The following WWOX variants were observed in gnomAD, a reference collection of about 807,000 sequenced individuals.
The protein encoded by WWOX is WW domain-containing oxidoreductase.
A neutral mutation model predicts 46.2 loss-of-function variants in WWOX; 69 were observed. The observed-to-expected ratio is 1.49, with a 90% CI of 1.23 to 1.82. WWOX has a LOEUF of 1.82. Among genes scored for constraint, WWOX ranks in the 40% most tolerant of loss-of-function variants. WWOX has a pLI of 0.00. For missense variants in WWOX, 919 were observed against 542.6 expected, an observed-to-expected ratio of 1.69 and a Z score of -6.89; for synonymous variants, 359 against 202.6, an observed-to-expected ratio of 1.77 and a Z score of -6.56.
intron 8 of WWOX, among the ~76,000 whole-genome samples, chr16:78,737,980 C>G (rs1286837020): frequency 6.6e-6 from 1 of 152,174 alleles, no homozygotes; most frequent in African/African-American, 2.4e-5. Context: ...CAACATGAGT[C>G]CATGTGTTTT....
At chr16:78,824,237 T>G (rs761553573) in intron 8 of WWOX, among the ~76,000 whole-genome samples, 1 of 152,176 alleles carries the variant, frequency 6.6e-6, no homozygotes, top group Non-Finnish European at 1.5e-5. Context: ...GTAGACACAT[T>G]TAGATGCTTC....
At chr16:78,809,610 T>A (rs1170712045) in intron 8 of WWOX, among the ~76,000 whole-genome samples, 1 of 152,080 alleles carries the variant, frequency 6.6e-6, no homozygotes, top group Non-Finnish European at 1.5e-5. Flanking sequence ...TATCAGTTTT[T>A]CAGAAACTCC....
chr16:78,291,749 C>G (rs2077265599), intron 5 of WWOX, among the ~76,000 whole-genome samples: 1 of 152,114 alleles, frequency 6.6e-6, no homozygotes, highest in Admixed American at 6.5e-5. Context: ...AGCACTTTAT[C>G]AAGTTTGGGG....
chr16:78,292,418 AT>A (rs1463798753), intron 5 of WWOX, among the ~76,000 whole-genome samples: 4 of 152,306 alleles, frequency 2.6e-5, no homozygotes, highest in African/African-American at 9.6e-5. Flanking sequence ...GTTTGAATGG[AT>A]TTTTATGGTC....
chr16:78,150,553 TG>T (rs2034369091), intron 4 of WWOX, among the ~76,000 whole-genome samples: 1 of 152,128 alleles, frequency 6.6e-6, no homozygotes, highest in Admixed American at 6.5e-5. Context: ...TAAGTTTTTT[TG>T]TTTTGTTTAT....
chr16:79,167,341 G>A (rs550992658), intron 8 of WWOX, among the ~76,000 whole-genome samples: 1 of 152,310 alleles, frequency 6.6e-6, no homozygotes, highest in East Asian at 1.9e-4. Context: ...TGAGTGGTGA[G>A]TATAAGTGTG....
rs574532203 is a variant in WWOX at position 78,736,242 on chromosome 16, C to G, written c.1056+303490C>G. Among the ~76,000 whole-genome samples the G allele has an allele frequency of 6.4e-4, 98 of 152,268 alleles. No homozygotes were observed. The South Asian group carries it at 0.019, about 29-fold the overall frequency. Reference sequence around the variant, plus strand: ...CACCTCAAACTTGACCCGCTTGAGGCCAGAAGGCCGGGCTGTGGTACCTTC... The same window carrying G: ...CACCTCAAACTTGACCCGCTTGAGGGCAGAAGGCCGGGCTGTGGTACCTTC... On this transcript the variant is annotated intron_variant, in intron 8 of 8. Coordinates refer to ENST00000566780, the MANE Select transcript of WWOX (RefSeq NM_016373.4).
At chr16:78,293,277 A>T (rs1042958920) in intron 5 of WWOX, among the ~76,000 whole-genome samples, 1 of 152,200 alleles carries the variant, frequency 6.6e-6, no homozygotes. Flanking sequence ...GGATATTTGT[A>T]AATCTCCCTG....
intron 8 of WWOX, among the ~76,000 whole-genome samples, chr16:79,114,988 T>C (rs761986198): frequency 3.9e-5 from 6 of 152,184 alleles, no homozygotes; most frequent in Non-Finnish European, 8.8e-5. Flanking sequence ...CACAGGAACA[T>C]TGCAATAAGC....
intron 8 of WWOX, among the ~76,000 whole-genome samples, chr16:78,592,180 A>G (rs1012422523): frequency 6.6e-6 from 1 of 152,212 alleles, no homozygotes; most frequent in Non-Finnish European, 1.5e-5. Flanking sequence ...CTGCTAGGCA[A>G]AGAAGCTTTT....
chr16:78,828,805 G>C (rs2051732484), intron 8 of WWOX, among the ~76,000 whole-genome samples: 2 of 152,176 alleles, frequency 1.3e-5, no homozygotes, highest in Non-Finnish European at 2.9e-5. Flanking sequence ...GCCTCAGCTG[G>C]ATTGGAAACT....
chr16:78,700,120 C>T (rs961995270), intron 8 of WWOX, among the ~76,000 whole-genome samples: 3 of 151,582 alleles, frequency 2.0e-5, no homozygotes, highest in Non-Finnish European at 4.4e-5. Context: ...ACACTAGTTA[C>T]GTGGACTGTC....
intron 8 of WWOX, among the ~76,000 whole-genome samples, chr16:78,798,874 G>T (rs1486823411): frequency 6.6e-6 from 1 of 152,190 alleles, no homozygotes; most frequent in African/African-American, 2.4e-5. Flanking sequence ...AGATTAGGCA[G>T]TGTCCTTTTC....
At chr16:79,179,911 T>C (rs1311847437) in intron 8 of WWOX, among the ~76,000 whole-genome samples, 3 of 152,208 alleles carry the variant, frequency 2.0e-5, no homozygotes, top group Non-Finnish European at 4.4e-5. Flanking sequence ...ACAGCATAGA[T>C]GTGAAGTGAC....
At chr16:78,631,368 C>A (rs2046424863) in intron 8 of WWOX, among the ~76,000 whole-genome samples, 1 of 152,076 alleles carries the variant, frequency 6.6e-6, no homozygotes, top group South Asian at 2.1e-4. Context: ...GCATCCATTC[C>A]CCAAAACAGA....
chr16:78,545,254 C>T (rs1014889670), intron 8 of WWOX, among the ~76,000 whole-genome samples: 1 of 152,084 alleles, frequency 6.6e-6, no homozygotes, highest in African/African-American at 2.4e-5. Flanking sequence ...AGTGAATGTC[C>T]AGCCCCAACT....
intron 8 of WWOX, among the ~76,000 whole-genome samples, chr16:78,639,535 A>T (rs1224780818): frequency 6.6e-6 from 1 of 150,786 alleles, no homozygotes; most frequent in Non-Finnish European, 1.5e-5. Flanking sequence ...ATGGAGAGAG[A>T]GGCCTCCCCT....
intron 8 of WWOX, among the ~76,000 whole-genome samples, chr16:79,197,975 G>A (rs2051272913): frequency 6.6e-6 from 1 of 152,274 alleles, no homozygotes; most frequent in South Asian, 2.1e-4. Flanking sequence ...CTTCCCTTAT[G>A]TGTACAACAG....
intron 8 of WWOX, among the ~76,000 whole-genome samples, chr16:78,770,254 G>C (rs2050031671): frequency 6.6e-6 from 1 of 152,060 alleles, no homozygotes; most frequent in Non-Finnish European, 1.5e-5. Flanking sequence ...GGGAGGCTGA[G>C]GCAGGAGAAT....
Sources: allele counts gnomAD v4.1 joint callset (sites outside exome capture counted in the v4.1 genomes callset), GRCh38; gene constraint gnomAD v4.1.1; transcripts MANE v1.5; gene names NCBI Gene and HGNC (gene_info 2026-07-23, HGNC 2026-07-21).